ANKMY2: variants seen among roughly 807,000 people sequenced by gnomAD.
The protein encoded by ANKMY2 is ankyrin repeat and MYND domain-containing protein 2.
In ANKMY2, 36 loss-of-function variants were observed where a neutral mutation model predicts 50.4. That is an observed-to-expected ratio of 0.71 (90% CI 0.55 to 0.94). ANKMY2 has a LOEUF of 0.94. Among genes scored for constraint, ANKMY2 ranks in the 40% least tolerant of loss-of-function variants. The pLI, the probability that ANKMY2 is intolerant of heterozygous loss-of-function variation, is 0.00. For missense variants in ANKMY2, 565 were observed against 524.0 expected (o/e 1.08, Z -0.76); for synonymous variants, 187 against 178.8 (o/e 1.05, Z -0.36).
intron 1 of ANKMY2, among the ~76,000 whole-genome samples, chr7:16,638,072 C>A (rs1781692124): frequency 6.6e-6 from 1 of 152,202 alleles, no homozygotes; most frequent in Admixed American, 6.5e-5. Flanking sequence ...ACAAACTGTT[C>A]TCTCCTGCTT....
chr7:16,616,061 T>C (rs1781342655), intron 4 of ANKMY2, among the ~76,000 whole-genome samples, 157 bp from the exon 5 acceptor site: 2 of 152,140 alleles, frequency 1.3e-5, no homozygotes, highest in Non-Finnish European at 1.5e-5. Context: ...AGAGATAAAA[T>C]ATTTTAGAGA....
At chr7:16,625,102 C>T (rs1471515859) in intron 3 of ANKMY2, 21 bp from the exon 4 acceptor site, 1 of 1,583,690 alleles carries the variant, frequency 6.3e-7, no homozygotes, top group Non-Finnish European at 8.7e-7. Context: ...AAAGGGAACA[C>T]ATTTGTTAAT....
intron 1 of ANKMY2, among the ~76,000 whole-genome samples, chr7:16,643,896 C>T (rs73063931): frequency 0.2 from 30,101 of 149,238 alleles, 3,233 homozygotes; most frequent in Admixed American, 0.29. Context: ...CTAAAGTAGC[C>T]GGGCATGGTG....
intron 4 of ANKMY2, among the ~76,000 whole-genome samples, chr7:16,624,397 A>G (rs973116727): frequency 6.6e-6 from 1 of 152,246 alleles, no homozygotes; most frequent in African/African-American, 2.4e-5. Flanking sequence ...TATTGGGCAC[A>G]CAAAATAAAC....
intron 7 of ANKMY2, 123 bp from the exon 8 acceptor site, chr7:16,604,972 G>A (rs1781128669): frequency 3.1e-6 from 3 of 958,566 alleles, no homozygotes; most frequent in Non-Finnish European, 4.3e-6. Context: ...AATCATTAAG[G>A]CTATAGATTA....
chr7:16,644,897 G>A (rs1378270559), intron 1 of ANKMY2: 4 of 347,494 alleles, frequency 1.2e-5, no homozygotes, highest in Admixed American at 7.9e-5. Context: ...GGGTGTGGAG[G>A]CCTCGCCAAT....
intron 3 of ANKMY2, 28 bp from the exon 4 acceptor site, chr7:16,625,109 T>C: frequency 1.3e-6 from 2 of 1,563,708 alleles, no homozygotes; most frequent in Non-Finnish European, 8.8e-7. Context: ...ACACATTTGT[T>C]AATGTTAAGG....
rs1040102224 is a variant in ANKMY2, at chr7:16,616,009, A to G, written c.371-105T>C. On this transcript the variant is annotated intron_variant, in intron 4 of 9. Coordinates refer to ENST00000306999, the MANE Select transcript of ANKMY2 (RefSeq NM_020319.3). ...ATTTTTGTGATGTAAACATGCACCAATATCTTTATTTTTCAGGAAAGGAGA... is the reference window on the plus strand; with the variant it reads ...ATTTTTGTGATGTAAACATGCACCAGTATCTTTATTTTTCAGGAAAGGAGA... 8 of 1,061,942 alleles carry G rather than the reference A, an allele frequency of 7.5e-6. No individual in the cohort carries two copies. In the East Asian group the frequency reaches 2.1e-4, roughly 28 times the overall value. 65.8% of individuals were successfully genotyped at this position (1,061,942 alleles called of 1,614,324 possible).
intron 4 of ANKMY2, among the ~76,000 whole-genome samples, chr7:16,621,542 T>C (rs934922481): frequency 6.6e-6 from 1 of 152,090 alleles, no homozygotes; most frequent in African/African-American, 2.4e-5. Flanking sequence ...AACAAATAAA[T>C]TCTAGATGTA....
chr7:16,607,668 C>CTT (rs60554872), intron 7 of ANKMY2, among the ~76,000 whole-genome samples: 4 of 126,190 alleles, frequency 3.2e-5, no homozygotes, highest in African/African-American at 9.3e-5. Flanking sequence ...TATTGACCTG[C>CTT]TTTTTTTTTT....
In ANKMY2 at chr7:16,615,797, A is replaced by G. The variant is rs558909882; in HGVS notation, c.478T>C (p.Leu160=). 5 of 1,614,202 alleles carry G rather than the reference A, an allele frequency of 3.1e-6. No homozygotes were observed. The highest frequency in any genetic ancestry group is 1.1e-5 in the South Asian group (1 of 91,088). ...LDKEPKLPPK[L]AGPLHKIITT... ...ATAATTTTGTGCAGCGGGCCTGCCA[A>G]CTTTGGGGGCAGTTTTGGCTCTTTA... Residue 160 remains leucine, a synonymous_variant, in exon 5 of 10, where the codon TTG becomes CTG. Transcript: ENST00000306999.
intron 2 of ANKMY2, among the ~76,000 whole-genome samples, chr7:16,630,004 A>G (rs1014547821): frequency 1.3e-5 from 2 of 152,200 alleles, no homozygotes; most frequent in African/African-American, 4.8e-5. Flanking sequence ...AGAAAAGGAA[A>G]TAATTTGAAA....
At chr7:16,604,697 A>T in intron 8 of ANKMY2, 24 bp downstream of exon 8, 1 of 1,609,160 alleles carries the variant, frequency 6.2e-7, no homozygotes, top group Non-Finnish European at 8.5e-7. Flanking sequence ...GAGGTCAATG[A>T]AATAAAAAGA....
At position 16,625,070 on chromosome 7, in the gene ANKMY2, T is replaced by C. The variant is rs1183491599; in HGVS notation, c.283A>G (p.Ile95Val). 1.2e-6 allele frequency: 2 copies of C among 1,613,640 alleles called. No homozygotes were observed. Among genetic ancestry groups the C allele is most frequent in the African/African-American group, 2.7e-5 (2 of 74,922 alleles). Reference protein sequence around the residue: ...MFAALSGNKDITWVMLEAGAE... With the variant: ...MFAALSGNKDVTWVMLEAGAE... Reference sequence around the variant, plus strand: ...CCAGCTTCTAACATTACCCATGTGATGTCTTTATTACCTAGAGTTTTAAAG... The same window carrying C: ...CCAGCTTCTAACATTACCCATGTGACGTCTTTATTACCTAGAGTTTTAAAG... Residue 95 changes from isoleucine (I) to valine (V), a missense_variant, in exon 4 of 10, where the codon ATC (isoleucine) becomes GTC (valine). Coordinates refer to ENST00000306999, the MANE Select transcript of ANKMY2 (RefSeq NM_020319.3).
intron 5 of ANKMY2, among the ~76,000 whole-genome samples, chr7:16,615,290 G>A (rs1781325086): frequency 6.6e-6 from 1 of 152,150 alleles, no homozygotes; most frequent in Non-Finnish European, 1.5e-5. Flanking sequence ...AGGCCCCCGG[G>A]GCTCTCAGGG....
intron 4 of ANKMY2, among the ~76,000 whole-genome samples, chr7:16,617,459 G>A (rs1371801118): frequency 1.3e-5 from 2 of 152,202 alleles, no homozygotes; most frequent in Non-Finnish European, 2.9e-5. Context: ...ACTACGCCAT[G>A]CCTCCAACAG....
intron 9 of ANKMY2, among the ~76,000 whole-genome samples, chr7:16,601,326 T>C (rs960687950): frequency 6.6e-6 from 1 of 152,230 alleles, no homozygotes; most frequent in Non-Finnish European, 1.5e-5. Context: ...AATATGCAGG[T>C]AATAAAGGCT....
intron 5 of ANKMY2, among the ~76,000 whole-genome samples, chr7:16,611,830 T>C (rs1781259176): frequency 6.6e-6 from 1 of 152,176 alleles, no homozygotes. Flanking sequence ...CACTTTAACC[T>C]TTTTTACATA....
intron 5 of ANKMY2, among the ~76,000 whole-genome samples, chr7:16,611,879 C>G (rs1474708349): frequency 6.6e-6 from 1 of 152,192 alleles, no homozygotes; most frequent in African/African-American, 2.4e-5. Flanking sequence ...TTTCTGAGTC[C>G]ATAAAAGGAC....
Sources: allele counts gnomAD v4.1 joint callset (sites outside exome capture counted in the v4.1 genomes callset), GRCh38; gene constraint gnomAD v4.1.1; transcripts MANE v1.5; gene names NCBI Gene and HGNC (gene_info 2026-07-23, HGNC 2026-07-21).